Variants in AHCYL2 observed in about 807,000 individuals in gnomAD.
The protein encoded by AHCYL2 is S-adenosylhomocysteine hydrolase-like protein 2.
A neutral mutation model predicts 81.4 loss-of-function variants in AHCYL2; 28 were observed. The observed-to-expected ratio is 0.34, with a 90% CI of 0.25 to 0.47. The LOEUF (loss-of-function observed/expected upper bound fraction) is 0.47. Among genes scored for constraint, AHCYL2 ranks in the 20% least tolerant of loss-of-function variants. The probability of loss-of-function intolerance (pLI) is 1.00; values close to 1 mark genes in which losing one functional copy is unlikely to be tolerated. For missense variants in AHCYL2, 551 were observed against 785.1 expected, an observed-to-expected ratio of 0.70 and a Z score of 3.56; for synonymous variants, 272 against 290.2, an observed-to-expected ratio of 0.94 and a Z score of 0.64.
At chr7:129,344,926 G>A (rs370777975) in intron 1 of AHCYL2, among the ~76,000 whole-genome samples, 1 of 152,074 alleles carries the variant, frequency 6.6e-6, no homozygotes, top group Non-Finnish European at 1.5e-5. Flanking sequence ...AGGCCGAGGC[G>A]GGTGGATCAC....
chr7:129,255,099 A>G (rs1353553831), intron 1 of AHCYL2, among the ~76,000 whole-genome samples: 1 of 152,040 alleles, frequency 6.6e-6, no homozygotes, highest in African/African-American at 2.4e-5. Context: ...CGTCTCTACT[A>G]AAAATACAAA....
chr7:129,293,335 C>T (rs1295488361), intron 1 of AHCYL2, among the ~76,000 whole-genome samples: 1 of 152,062 alleles, frequency 6.6e-6, no homozygotes, highest in Non-Finnish European at 1.5e-5. Flanking sequence ...AAGTTATATA[C>T]AAATATATGT....
At chr7:129,234,009 CCTTT>C (rs1432944690) in intron 1 of AHCYL2, among the ~76,000 whole-genome samples, 1 of 151,940 alleles carries the variant, frequency 6.6e-6, no homozygotes, top group Non-Finnish European at 1.5e-5. Context: ...CCTTCCTCCT[CCTTT>C]CTTTTTCTAT....
rs143378101 is a variant in AHCYL2 at position 129,232,976 on chromosome 7, C to T, written c.363+7537C>T. 1.2e-4 allele frequency among the ~76,000 whole-genome samples: 19 copies of T among 152,268 alleles called. No individual in the cohort carries two copies. In the East Asian group the frequency reaches 2.7e-3, roughly 22 times the overall value. On this transcript the variant is annotated intron_variant, in intron 1 of 16. Coordinates refer to ENST00000325006, the MANE Select transcript of AHCYL2 (RefSeq NM_015328.4). Reference sequence around the variant, plus strand: ...TGCTTGTAGAACTTGGAGTGATGTACGGGTTGAACCTAACCATCTACCTTC... The same window carrying T: ...TGCTTGTAGAACTTGGAGTGATGTATGGGTTGAACCTAACCATCTACCTTC...
At chr7:129,302,766 A>G (rs1797297784) in intron 1 of AHCYL2, among the ~76,000 whole-genome samples, 1 of 151,968 alleles carries the variant, frequency 6.6e-6, no homozygotes, top group South Asian at 2.1e-4. Context: ...ATTTGTTAGT[A>G]TTTGTTGAGG....
At position 129,299,604 on chromosome 7, in the gene AHCYL2, A is replaced by G. The variant is rs192413638; in HGVS notation, c.363+74165A>G. 9.0e-3 allele frequency among the ~76,000 whole-genome samples: 1,366 copies of G among 152,138 alleles called. 12 individuals carry two copies. Among genetic ancestry groups the G allele is most frequent in the Non-Finnish European group, 0.012 (787 of 67,982 alleles). On this transcript the variant is annotated intron_variant, in intron 1 of 16. Coordinates refer to ENST00000325006, the MANE Select transcript of AHCYL2 (RefSeq NM_015328.4). ...GAGACAGGGTTTCACCATGTTAGCT[A>G]GGATGGTGTCGATCTCCTTACCTCG...
At chr7:129,397,830 C>T (rs1795818341) in intron 5 of AHCYL2, among the ~76,000 whole-genome samples, 1 of 152,242 alleles carries the variant, frequency 6.6e-6, no homozygotes, top group Non-Finnish European at 1.5e-5. Context: ...TTGCCAGCCT[C>T]TTGCCTTTAC....
intron 1 of AHCYL2, among the ~76,000 whole-genome samples, chr7:129,303,376 T>C (rs1797317325): frequency 6.6e-6 from 1 of 152,212 alleles, no homozygotes; most frequent in Non-Finnish European, 1.5e-5. Flanking sequence ...TCTTCATGAT[T>C]CAATTTTGGG....
At chr7:129,376,904 C>T (rs1794713862) in intron 1 of AHCYL2, among the ~76,000 whole-genome samples, 1 of 152,226 alleles carries the variant, frequency 6.6e-6, no homozygotes, top group Non-Finnish European at 1.5e-5. Flanking sequence ...GAGTTTGCAT[C>T]CTGACTGCTG....
At chr7:129,229,539 G>A (rs1377850987) in intron 1 of AHCYL2, among the ~76,000 whole-genome samples, 1 of 152,176 alleles carries the variant, frequency 6.6e-6, no homozygotes, top group Admixed American at 6.5e-5. Context: ...AGGGCTGTCC[G>A]TCTCCAAAGC....
rs1318672130 is a variant in AHCYL2 at position 129,368,608 on chromosome 7, A to G, written c.364-11030A>G. The G allele has an allele frequency of 3.8e-6, 6 of 1,594,532 alleles. No homozygotes were observed. The highest frequency in any genetic ancestry group is 5.2e-6 in the Non-Finnish European group (6 of 1,162,504). The stretch of plus-strand genomic sequence containing the variant: ...TGTTTCTTGATAATGAGAGGCAACC[A>G]TTTCTGACGGGTGACAAGGATCACC... On this transcript the variant is annotated intron_variant, in intron 1 of 16. Coordinates refer to ENST00000325006, the MANE Select transcript of AHCYL2 (RefSeq NM_015328.4). This position sits in a 1 kb window ranked among gnomAD's most constrained non-coding sequence, Gnocchi z 4.4.
intron 2 of AHCYL2, 98 bp from the exon 3 acceptor site, chr7:129,388,958 G>A (rs1480389918): frequency 4.1e-6 from 6 of 1,449,406 alleles, no homozygotes; most frequent in African/African-American, 2.9e-5. Flanking sequence ...AATTTATATG[G>A]TGCTAGGTGG....
chr7:129,264,565 T>G (rs1460469561), intron 1 of AHCYL2, among the ~76,000 whole-genome samples: 2 of 151,900 alleles, frequency 1.3e-5, no homozygotes, highest in Admixed American at 6.6e-5. Context: ...GTAGAGAAAA[T>G]TAAACAAGCA....
At chr7:129,239,894 C>T (rs1396977414) in intron 1 of AHCYL2, among the ~76,000 whole-genome samples, 4 of 151,894 alleles carry the variant, frequency 2.6e-5, no homozygotes, top group Non-Finnish European at 5.9e-5. Flanking sequence ...CTACCCAGTC[C>T]CTTCCCACAC....
rs1012974223 is a variant in AHCYL2, at chr7:129,332,298, T to TA, written c.364-47333dup. 2.6e-5 allele frequency among the ~76,000 whole-genome samples: 4 copies of TA among 152,224 alleles called. No homozygotes were observed. The East Asian group carries it at 5.8e-4, about 22-fold the overall frequency. ...TTCATAGCAGAAGGGTGGAGTGTAT[T>TA]AAAAAAATAAATATTCCTTCTTCCC... On this transcript the variant is annotated intron_variant, in intron 1 of 16. Transcript: ENST00000325006.
chr7:129,288,070 A>G (rs1242814432), intron 1 of AHCYL2, among the ~76,000 whole-genome samples: 1 of 152,174 alleles, frequency 6.6e-6, no homozygotes, highest in Non-Finnish European at 1.5e-5. Context: ...TAAAAACCCA[A>G]TGTTCACATT....
intron 1 of AHCYL2, among the ~76,000 whole-genome samples, chr7:129,245,258 C>G (rs1795009543): frequency 1.3e-5 from 2 of 152,154 alleles, no homozygotes; most frequent in Admixed American, 1.3e-4. Context: ...CTCCTGACCT[C>G]AGGTGATCGA....
chr7:129,400,465 C>T (rs2150928076), intron 6 of AHCYL2, 81 bp downstream of exon 6: 1 of 1,324,920 alleles, frequency 7.5e-7, no homozygotes, highest in Non-Finnish European at 1.1e-6. Context: ...GAGAGGGTTT[C>T]CCAACAAGAA....
At chr7:129,299,246 C>T (rs1439940927) in intron 1 of AHCYL2, among the ~76,000 whole-genome samples, 1 of 144,246 alleles carries the variant, frequency 6.9e-6, no homozygotes, top group Non-Finnish European at 1.5e-5. Context: ...AGTTTGAGAG[C>T]AGCCTGGGAA....
Sources: allele counts gnomAD v4.1 joint callset (sites outside exome capture counted in the v4.1 genomes callset), GRCh38; gene constraint gnomAD v4.1.1; non-coding constraint Gnocchi (gnomAD v3.1); transcripts MANE v1.5; gene names NCBI Gene and HGNC (gene_info 2026-07-23, HGNC 2026-07-21).